The following SPTY2D1 variants were observed in gnomAD, a reference collection of about 807,000 sequenced individuals.
The protein encoded by SPTY2D1 is SPT2 chromatin protein domain containing 1.
SPTY2D1 carries 21 observed loss-of-function variants against 64.0 expected under a neutral mutation model. The observed-to-expected ratio is 0.33, with a 90% CI of 0.23 to 0.47. The LOEUF (loss-of-function observed/expected upper bound fraction) is 0.47. SPTY2D1 is among the 20% of genes least tolerant of loss of function. The pLI is 1.00. For missense variants in SPTY2D1, 724 were observed against 837.2 expected (o/e 0.86, Z 1.67); for synonymous variants, 287 against 286.8 (o/e 1.00, Z -0.01).
At chr11:18,616,746 C>T (rs1854305377) in intron 2 of SPTY2D1, 129 bp downstream of exon 2, 1 of 719,294 alleles carries the variant, frequency 1.4e-6, no homozygotes, top group African/African-American at 1.8e-5. Flanking sequence ...CACACACACA[C>T]ACACACACAC....
At chr11:18,633,119 T>C (rs932602458) in intron 1 of SPTY2D1, among the ~76,000 whole-genome samples, 16 of 147,240 alleles carry the variant, frequency 1.1e-4, no homozygotes, top group Admixed American at 1.0e-3. Context: ...TATATACATA[T>C]ATTTATAAAC....
intron 1 of SPTY2D1, among the ~76,000 whole-genome samples, chr11:18,620,072 G>A (rs1406461370): frequency 6.6e-6 from 1 of 152,094 alleles, no homozygotes; most frequent in Non-Finnish European, 1.5e-5. Context: ...AGTGTCAATG[G>A]GGCATAGTTT....
chr11:18,625,618 T>G (rs28520354), intron 1 of SPTY2D1, among the ~76,000 whole-genome samples: 1 of 151,850 alleles, frequency 6.6e-6, no homozygotes, highest in Non-Finnish European at 1.5e-5. Context: ...TGGAGTACAG[T>G]GGCATGACCT....
chr11:18,631,754 T>C (rs1435720916), intron 1 of SPTY2D1, among the ~76,000 whole-genome samples: 1 of 152,190 alleles, frequency 6.6e-6, no homozygotes, highest in Non-Finnish European at 1.5e-5. Context: ...AGAAATGTGT[T>C]AACATTCCTT....
chr11:18,634,165 G>T (rs750493427), intron 1 of SPTY2D1, 33 bp downstream of exon 1: 1 of 1,612,802 alleles, frequency 6.2e-7, no homozygotes, highest in Non-Finnish European at 8.5e-7. Flanking sequence ...GAAGACTAGG[G>T]TCCCCTACAT....
intron 3 of SPTY2D1, among the ~76,000 whole-genome samples, chr11:18,614,234 G>A (rs1471358073): frequency 6.6e-6 from 1 of 152,114 alleles, no homozygotes; most frequent in Non-Finnish European, 1.5e-5. Context: ...ACTAGTATAG[G>A]CAACATACTG....
rs368930517 is a variant in SPTY2D1 at position 18,611,520 on chromosome 11, T to C, written c.1921A>G (p.Met641Val). 1 of 1,613,960 alleles carries C rather than the reference T, an allele frequency of 6.2e-7. No individual in the cohort carries two copies. The highest frequency in any genetic ancestry group is 1.3e-5 in the African/African-American group (1 of 74,946). ...TGCTGCTCTTTCCAACTACTTTCCA[T>C]GTAACGTAAGGCATAATCACTTTCA... Reference protein sequence around the residue: ...KDESDYALRYMESSWKEQQKE... With the variant: ...KDESDYALRYVESSWKEQQKE... The change falls in exon 5 of 6, where the codon ATG becomes GTG. Residue 641 changes from methionine to valine, a missense_variant. This residue lies in a region of SPTY2D1 where 119 missense variants were observed against 172.9 expected (regional missense o/e 0.69). Transcript: ENST00000336349.
At chr11:18,629,186 T>C (rs1291781598) in intron 1 of SPTY2D1, among the ~76,000 whole-genome samples, 1 of 152,222 alleles carries the variant, frequency 6.6e-6, no homozygotes, top group Non-Finnish European at 1.5e-5. Flanking sequence ...AGTTGGCTTA[T>C]GCTTTACAAG....
At chr11:18,619,703 G>A (rs1854360442) in intron 1 of SPTY2D1, among the ~76,000 whole-genome samples, 1 of 152,070 alleles carries the variant, frequency 6.6e-6, no homozygotes, top group Admixed American at 6.5e-5. Context: ...GCTGCAGTGA[G>A]CCAAAATTGC....
Position 18,612,457 on chromosome 11 carries a change from G to A in SPTY2D1, c.1743C>T (p.Tyr581=). 2 of 1,605,704 alleles carry A rather than the reference G, an allele frequency of 1.2e-6. No homozygotes were observed. The highest frequency in any genetic ancestry group is 3.3e-4 in the Middle Eastern group (2 of 6,024). ...CCTCTTCATATTCTCGCTGCCTTTT[G>A]TAACCAGTAGGGAAGGGAAGCCTTT... ...GPQRLPFPTG[Y]KRQREYEEED... is the part of the protein sequence containing the mutation. Residue 581 remains tyrosine (Y), a synonymous_variant, in exon 4 of 6, where the codon TAC becomes TAT. Coordinates refer to ENST00000336349, the MANE Select transcript of SPTY2D1 (RefSeq NM_194285.3). This position sits in a 1 kb window ranked among gnomAD's most constrained non-coding sequence, Gnocchi z 4.6.
In SPTY2D1 at chr11:18,630,571, T is replaced by C. The variant is rs146886796; in HGVS notation, c.60+3627A>G. Among the ~76,000 whole-genome samples the C allele has an allele frequency of 1.7e-3, 263 of 152,322 alleles. 1 individual carries two copies. The highest frequency in any genetic ancestry group is 6.1e-3 in the African/African-American group (252 of 41,576). The stretch of plus-strand genomic sequence containing the variant: ...AATCATCGCTAGTCACTGGATTTCC[T>C]TACCATAGTAAAGGTCTGACCCAAG... On this transcript the variant is annotated intron_variant, in intron 1 of 5. Transcript: ENST00000336349.
At position 18,607,348 on chromosome 11, in the gene SPTY2D1, G is replaced by A. The variant is rs1228927921; in HGVS notation, c.*2513C>T. On this transcript the variant is annotated 3_prime_UTR_variant, in exon 6 of 6. Transcript: ENST00000336349. ...TTTGACATAGCAATATCAAAAGCAA[G>A]TGGGACTGTGCAATCAGAGCCATGA... 2.0e-5 allele frequency: 3 copies of A among 152,738 alleles called. No individual in the cohort carries two copies. Among genetic ancestry groups the A allele is most frequent in the Non-Finnish European group, 4.4e-5 (3 of 68,134 alleles). 9.5% of individuals were successfully genotyped at this position (152,738 alleles called of 1,614,324 possible). A position where few individuals can be genotyped will look rare whatever the true frequency, so the allele number is the denominator to read the frequency against.
At chr11:18,618,746 A>C (rs1403422560) in intron 1 of SPTY2D1, among the ~76,000 whole-genome samples, 1 of 152,220 alleles carries the variant, frequency 6.6e-6, no homozygotes, top group Admixed American at 6.5e-5. Flanking sequence ...AGGAAAACCA[A>C]AAGATATGTG....
At chr11:18,613,692 G>A (rs186968508) in intron 3 of SPTY2D1, among the ~76,000 whole-genome samples, 190 of 152,268 alleles carry the variant, frequency 1.2e-3, no homozygotes, top group African/African-American at 3.5e-3. Context: ...TATATTCTCC[G>A]TGGAGCCTAA....
intron 1 of SPTY2D1, among the ~76,000 whole-genome samples, chr11:18,624,703 G>C (rs563355073): frequency 6.6e-6 from 1 of 152,182 alleles, no homozygotes; most frequent in African/African-American, 2.4e-5. Flanking sequence ...TGTTGGAATC[G>C]ATAGTCAATC....
chr11:18,615,430 A>G lies in SPTY2D1; in HGVS notation c.844T>C (p.Ser282Pro). 6.2e-7 allele frequency: 1 copy of G among 1,614,110 alleles called. No individual in the cohort carries two copies. The highest frequency in any genetic ancestry group is 8.5e-7 in the Non-Finnish European group (1 of 1,180,024). Residue 282 changes from serine (S) to proline (P), a missense_variant, in exon 3 of 6, where the codon TCC becomes CCC. Transcript: ENST00000336349. ...GCCTTGATCCTCTCTCCTGGCATGGATTTGGATGAAGACAAAGCGAGGTGT... is the reference window on the plus strand; with the variant it reads ...GCCTTGATCCTCTCTCCTGGCATGGGTTTGGATGAAGACAAAGCGAGGTGT... ...EKHLALSSSK[S>P]MPGERIKAGS...
intron 1 of SPTY2D1, among the ~76,000 whole-genome samples, chr11:18,621,875 A>G (rs1854410927): frequency 6.6e-6 from 1 of 151,862 alleles, no homozygotes. Flanking sequence ...TCGCTTGAGC[A>G]CAGGAGTTCG....
chr11:18,626,335 A>G (rs1291968399), intron 1 of SPTY2D1, among the ~76,000 whole-genome samples: 1 of 151,902 alleles, frequency 6.6e-6, no homozygotes, highest in Non-Finnish European at 1.5e-5. Context: ...TCTGCCTATC[A>G]GTTTCCAAAT....
Position 18,615,045 on chromosome 11 carries a change from C to T in SPTY2D1, c.1229G>A (p.Arg410Gln), listed in dbSNP as rs759123088. The T allele has an allele frequency of 5.0e-6, 8 of 1,613,996 alleles. No homozygotes were observed. The highest frequency in any genetic ancestry group is 4.4e-5 in the South Asian group (4 of 91,076). The change falls in exon 3 of 6, where the codon CGA (arginine) becomes CAA (glutamine). Residue 410 changes from arginine (R) to glutamine (Q), a missense_variant. By Grantham distance (43) the Arg-to-Gln change is conservative. This residue lies in a region of SPTY2D1 where 426 missense variants were observed against 431.8 expected (regional missense o/e 0.99). Coordinates refer to ENST00000336349, the MANE Select transcript of SPTY2D1 (RefSeq NM_194285.3). The stretch of plus-strand genomic sequence containing the variant: ...TGGCTTCTTGGACCCACTGATTGAT[C>T]GCTCAGGTCCTGAGCTGGAGCTGCC... Reference protein sequence around the residue: ...QNGSSSSGPERSISGSKKPTN... With the variant: ...QNGSSSSGPEQSISGSKKPTN...
Sources: gnomAD v4.1 joint callset for allele counts (sites outside exome capture counted in the v4.1 genomes callset) on GRCh38, gnomAD v4.1.1 for gene constraint, gnomAD v4.1.1 regional missense constraint, Gnocchi (gnomAD v3.1) non-coding constraint, MANE v1.5 for transcripts, NCBI Gene and HGNC (gene_info 2026-07-23, HGNC 2026-07-21) for gene names.